The following SERPINE2 variants were observed in gnomAD, a reference collection of about 807,000 sequenced individuals.
The protein encoded by SERPINE2 is glia-derived nexin.
Under a neutral mutation model 36.3 loss-of-function variants are expected in SERPINE2, and 14 were observed. That is an observed-to-expected ratio of 0.39 (90% CI 0.25 to 0.60). The LOEUF is 0.60. Among genes scored for constraint, SERPINE2 ranks in the 20% least tolerant of loss-of-function variants. The probability of loss-of-function intolerance (pLI) is 0.57; values close to 1 mark genes in which losing one functional copy is unlikely to be tolerated. For synonymous variants in SERPINE2, 192 were observed against 191.8 expected (o/e 1.00, Z -0.01); for missense variants, 418 against 499.6 (o/e 0.84, Z 1.56).
Position 223,991,682 on chromosome 2 carries a change from T to C in SERPINE2, c.685+121A>G, listed in dbSNP as rs1574819626. 5 of 1,021,804 alleles carry C rather than the reference T, an allele frequency of 4.9e-6. No homozygotes were observed. In the East Asian group the frequency reaches 1.3e-4, roughly 26 times the overall value. The allele number at this position is 1,021,804 out of a possible 1,614,324, so 63.3% of individuals were successfully genotyped here. ...AAAATCCTGCCTCTCAGCACCCTGC[T>C]CTGTTCCCCAGTTTTTTAAAAGATG... On this transcript the variant is annotated intron_variant, in intron 4 of 8. Transcript: ENST00000409304.
intron 1 of SERPINE2, among the ~76,000 whole-genome samples, chr2:224,004,039 C>G (rs1353754476): frequency 6.6e-6 from 1 of 152,186 alleles, no homozygotes; most frequent in Non-Finnish European, 1.5e-5. Flanking sequence ...CACCCTAGGG[C>G]GTAGGAGATG....
intron 2 of SERPINE2, among the ~76,000 whole-genome samples, chr2:224,001,378 G>T (rs1462695604): frequency 1.3e-5 from 2 of 152,188 alleles, no homozygotes; most frequent in African/African-American, 4.8e-5. Context: ...CTGGAACGAG[G>T]GCTGGAGCCC....
chr2:224,005,822 G>T (rs1691401298), intron 1 of SERPINE2, among the ~76,000 whole-genome samples: 3 of 152,140 alleles, frequency 2.0e-5, no homozygotes, highest in Admixed American at 2.0e-4. Flanking sequence ...CTTGAATATT[G>T]TTTCACAACA....
At chr2:224,028,306 G>A (rs556463772) in intron 1 of SERPINE2, among the ~76,000 whole-genome samples, 1 of 152,154 alleles carries the variant, frequency 6.6e-6, no homozygotes, top group Non-Finnish European at 1.5e-5. Flanking sequence ...CTGCAAGGAG[G>A]GTAATATCCT....
intron 2 of SERPINE2, among the ~76,000 whole-genome samples, chr2:224,000,720 T>C (rs1000871561): frequency 6.6e-6 from 1 of 152,128 alleles, no homozygotes; most frequent in Non-Finnish European, 1.5e-5. Flanking sequence ...CAGTGTGTGA[T>C]GTTCCCCTCC....
intron 1 of SERPINE2, among the ~76,000 whole-genome samples, chr2:224,036,513 G>A (rs1408595847): frequency 6.6e-6 from 1 of 151,760 alleles, no homozygotes; most frequent in Non-Finnish European, 1.5e-5. Flanking sequence ...GGGAGGGATA[G>A]CATTAGGAGA....
chr2:223,985,938 T>C (rs1351718744), intron 4 of SERPINE2, among the ~76,000 whole-genome samples: 6 of 152,220 alleles, frequency 3.9e-5, no homozygotes, highest in Non-Finnish European at 5.9e-5. Context: ...AGATGCTCTA[T>C]AGACAAAACA....
At chr2:224,036,351 A>C (rs1339727056) in intron 1 of SERPINE2, among the ~76,000 whole-genome samples, 1 of 151,884 alleles carries the variant, frequency 6.6e-6, no homozygotes, top group Non-Finnish European at 1.5e-5. Context: ...AAAAAAAAAA[A>C]ACCATCAGAA....
At chr2:223,986,063 G>A (rs1368695498) in intron 4 of SERPINE2, among the ~76,000 whole-genome samples, 1 of 152,196 alleles carries the variant, frequency 6.6e-6, no homozygotes, top group East Asian at 1.9e-4. Flanking sequence ...CTTTGAGACA[G>A]GGAACTTCAA....
intron 4 of SERPINE2, among the ~76,000 whole-genome samples, chr2:223,987,204 T>C (rs1010932756): frequency 1.3e-5 from 2 of 152,188 alleles, no homozygotes; most frequent in Non-Finnish European, 1.5e-5. Flanking sequence ...AGACAACACA[T>C]ACAAAGTGCT....
At position 223,986,558 on chromosome 2, in the gene SERPINE2, C is replaced by T. The variant is rs865995198; in HGVS notation, c.686-1608G>A. On this transcript the variant is annotated intron_variant, in intron 4 of 8. Transcript: ENST00000409304. ...AGAAAACATTAAATCTCTATTCTGG[C>T]GGAGCTAATTTTCAGAAACTGTGAA... Among the ~76,000 whole-genome samples the T allele has an allele frequency of 5.9e-5, 9 of 151,938 alleles. No homozygotes were observed. In the South Asian group the frequency reaches 1.2e-3, roughly 21 times the overall value.
chr2:224,014,233 G>C (rs1307306810), intron 1 of SERPINE2, among the ~76,000 whole-genome samples: 1 of 152,130 alleles, frequency 6.6e-6, no homozygotes, highest in Non-Finnish European at 1.5e-5. Context: ...AAATTAGCCA[G>C]GCATGGTGGC....
intron 3 of SERPINE2, 89 bp from the exon 4 acceptor site, chr2:223,992,089 G>T: frequency 8.9e-7 from 1 of 1,128,528 alleles, no homozygotes. Context: ...CAGGTAGACT[G>T]AAAAATCAAA....
chr2:223,986,856 C>T (rs543417594), intron 4 of SERPINE2, among the ~76,000 whole-genome samples: 2 of 152,092 alleles, frequency 1.3e-5, no homozygotes, highest in Admixed American at 1.3e-4. Context: ...GATTTCCCCC[C>T]ACTCCTTCTG....
Position 223,998,289 on chromosome 2 carries a change from T to C in SERPINE2, c.313A>G (p.Lys105Glu). 1 of 1,614,246 alleles carries C rather than the reference T, an allele frequency of 6.2e-7. No homozygotes were observed. Among genetic ancestry groups the C allele is most frequent in the Non-Finnish European group, 8.5e-7 (1 of 1,180,022 alleles). The change falls in exon 3 of 9, where the codon AAA (lysine) becomes GAA (glutamate). Residue 105 changes from lysine (K) to glutamate (E), a missense_variant. Lys to Glu is a moderately conservative substitution (Grantham distance 56). Transcript: ENST00000409304. ...GCGTTAGCCACTGTCACAATGTCTT[T>C]ATTCTTCTTGGAGACGATGGCCTTG... ...INKAIVSKKNKDIVTVANAVF... is the reference protein window; with the variant it reads ...INKAIVSKKNEDIVTVANAVF...
chr2:223,982,969 T>C (rs963589449), intron 5 of SERPINE2, among the ~76,000 whole-genome samples, 188 bp from the exon 6 acceptor site: 1 of 152,192 alleles, frequency 6.6e-6, no homozygotes, highest in Non-Finnish European at 1.5e-5. Flanking sequence ...CTCAAACACT[T>C]AGCTGGCAAA....
chr2:224,038,511 G>A (rs1003388722), intron 1 of SERPINE2: 16 of 1,551,360 alleles, frequency 1.0e-5, no homozygotes, highest in East Asian at 2.4e-5. Context: ...CATCCGCCTC[G>A]CAACTCCCGT....
At chr2:224,013,088 T>C (rs1004979405) in intron 1 of SERPINE2, among the ~76,000 whole-genome samples, 6 of 152,308 alleles carry the variant, frequency 3.9e-5, no homozygotes, top group South Asian at 4.1e-4. Flanking sequence ...AGATATTTAA[T>C]GGTGGGGATT....
chr2:224,001,805 G>A lies in SERPINE2; in HGVS notation c.96C>T (p.Ser32=). ...GATTGAAAACCTGGATCCCCGTGTT[G>A]GAGCCTAGTTCCTCGAGAGACAGAG... ...FNPLSLEELG[S]NTGIQVFNQI... Residue 32 remains serine, a synonymous_variant, in exon 2 of 9, where the codon TCC becomes TCT. Coordinates refer to ENST00000409304, the MANE Select transcript of SERPINE2 (RefSeq NM_001136528.2). 6.2e-7 allele frequency: 1 copy of A among 1,614,102 alleles called. No homozygotes were observed. The highest frequency in any genetic ancestry group is 8.5e-7 in the Non-Finnish European group (1 of 1,180,040).
Sources: allele counts gnomAD v4.1 joint callset (sites outside exome capture counted in the v4.1 genomes callset), GRCh38; gene constraint gnomAD v4.1.1; transcripts MANE v1.5; gene names NCBI Gene and HGNC (gene_info 2026-07-23, HGNC 2026-07-21).